The following ACTN4 variants were observed in gnomAD, a reference collection of about 807,000 sequenced individuals.
ACTN4 encodes the protein alpha-actinin-4.
A neutral mutation model predicts 114.2 loss-of-function variants in ACTN4; 18 were observed. That is an observed-to-expected ratio of 0.16 (90% CI 0.11 to 0.23). ACTN4 has a LOEUF of 0.23. Among genes scored for constraint, ACTN4 ranks in the 10% least tolerant of loss-of-function variants. The pLI is 1.00. For missense variants in ACTN4, 722 were observed against 1,262.9 expected (o/e 0.57, Z 6.49); for synonymous variants, 515 against 506.3 (o/e 1.02, Z -0.23).
intron 1 of ACTN4, among the ~76,000 whole-genome samples, chr19:38,655,943 T>A (rs1390656171): frequency 6.6e-6 from 1 of 152,228 alleles, no homozygotes; most frequent in African/African-American, 2.4e-5. Context: ...GACAAAAATA[T>A]GTACATGTTC....
chr19:38,703,104 G>T (rs2145001998), intron 3 of ACTN4, among the ~76,000 whole-genome samples: 2 of 152,300 alleles, frequency 1.3e-5, no homozygotes, highest in Non-Finnish European at 2.9e-5. Flanking sequence ...TGGACTCTGG[G>T]ATGAGGCACT....
intron 1 of ACTN4, among the ~76,000 whole-genome samples, chr19:38,654,561 CAAAAAA>C (rs35967763): frequency 7.3e-5 from 7 of 96,346 alleles, no homozygotes; most frequent in African/African-American, 2.0e-4. Context: ...GGCTCCGTCT[CAAAAAA>C]AAAAAAAAAA....
intron 1 of ACTN4, among the ~76,000 whole-genome samples, chr19:38,660,962 T>C (rs142604289): frequency 6.6e-6 from 1 of 152,244 alleles, no homozygotes; most frequent in Non-Finnish European, 1.5e-5. Flanking sequence ...GCATTTCAGC[T>C]GTTCCTTAAC....
Position 38,730,803 on chromosome 19 carries a change from C to T in ACTN4, c.*1371C>T, listed in dbSNP as rs373304896. The T allele has an allele frequency of 7.1e-6, 11 of 1,549,240 alleles. No individual in the cohort carries two copies. In the African/African-American group the frequency reaches 1.1e-4, roughly 15 times the overall value. ...GCCAGGCAAGGCCTAGGGAGGTGGT[C>T]TTGCTCAGCAACCCTGCCCTGAGCA... On this transcript the variant is annotated 3_prime_UTR_variant, in exon 21 of 21. Transcript: ENST00000252699.
At chr19:38,701,381 C>T (rs538169932) in intron 3 of ACTN4, among the ~76,000 whole-genome samples, 2 of 152,308 alleles carry the variant, frequency 1.3e-5, no homozygotes, top group Admixed American at 6.5e-5. Flanking sequence ...ACGGGGGCGA[C>T]GGCTTCTGCA....
At chr19:38,668,301 C>T (rs1967024938) in intron 1 of ACTN4, among the ~76,000 whole-genome samples, 1 of 152,174 alleles carries the variant, frequency 6.6e-6, no homozygotes. Flanking sequence ...TATTCTTTCT[C>T]TTCAATCCAC....
At chr19:38,670,537 A>G (rs1967095713) in intron 1 of ACTN4, among the ~76,000 whole-genome samples, 1 of 152,104 alleles carries the variant, frequency 6.6e-6, no homozygotes, top group Non-Finnish European at 1.5e-5. Context: ...TGGGGTGGCC[A>G]CTGCAGAGCT....
chr19:38,647,827 A>G lies in ACTN4; in HGVS notation c.82A>G (p.Met28Val), dbSNP rs747188715. 1.0e-5 allele frequency: 16 copies of G among 1,552,578 alleles called. No homozygotes were observed. The African/African-American group carries it at 2.1e-4, about 20-fold the overall frequency. ...AGNGAGGGGS[M>V]GDYMAQEDDW... ...CAATGGCGCTGGCGGCGGGGGCAGC[A>G]TGGGCGACTACATGGCCCAGGAGGA... Residue 28 changes from methionine to valine, a missense_variant, in exon 1 of 21, where the codon ATG (methionine) becomes GTG (valine). Coordinates refer to ENST00000252699, the MANE Select transcript of ACTN4 (RefSeq NM_004924.6).
intron 1 of ACTN4, among the ~76,000 whole-genome samples, chr19:38,679,826 C>T (rs1967499518): frequency 6.6e-6 from 1 of 152,026 alleles, no homozygotes; most frequent in Non-Finnish European, 1.5e-5. Flanking sequence ...TAACCACATA[C>T]TGTTATATTT....
intron 1 of ACTN4, among the ~76,000 whole-genome samples, chr19:38,676,472 C>T (rs976169367): frequency 9.9e-5 from 15 of 152,136 alleles, no homozygotes; most frequent in African/African-American, 3.4e-4. Flanking sequence ...CAGTGTCCTG[C>T]GACTGGGCTG....
In ACTN4 at chr19:38,717,003, C is replaced by G. The variant is rs368471159; in HGVS notation, c.913-83C>G. The stretch of plus-strand genomic sequence containing the variant: ...GGTGGGGCCCTCAAAGATCCAGATC[C>G]CATGTGCCCATAAGCTGGGGGGCAG... On this transcript the variant is annotated intron_variant, in intron 9 of 20. Transcript: ENST00000252699. This position sits in a 1 kb window ranked among gnomAD's most constrained non-coding sequence, Gnocchi z 4.0. The G allele has an allele frequency of 1.4e-6, 2 of 1,429,548 alleles. No individual in the cohort carries two copies. 88.6% of individuals were successfully genotyped at this position (1,429,548 alleles called of 1,614,324 possible).
chr19:38,664,608 G>A (rs985499203), intron 1 of ACTN4, among the ~76,000 whole-genome samples: 11 of 152,200 alleles, frequency 7.2e-5, no homozygotes, highest in African/African-American at 2.7e-4. Flanking sequence ...ATTCAGTGGA[G>A]ATAGCGAGGG....
Position 38,707,581 on chromosome 19 carries a change from G to C in ACTN4, c.573-536G>C, listed in dbSNP as rs139272780. On this transcript the variant is annotated intron_variant, in intron 5 of 20. Transcript: ENST00000252699. ...CCTTGGGGAAGGTCTCTTTCCTCCA[G>C]AGACCAGCATGCCAAGTGAAATCCT... Among the ~76,000 whole-genome samples, 807 of 152,240 alleles carry C rather than the reference G, an allele frequency of 5.3e-3. 8 individuals are homozygous for C. The highest frequency in any genetic ancestry group is 0.016 in the African/African-American group (681 of 41,524).
chr19:38,666,194 C>A (rs1033087009), intron 1 of ACTN4, among the ~76,000 whole-genome samples: 18 of 151,006 alleles, frequency 1.2e-4, no homozygotes, highest in Non-Finnish European at 2.4e-4. Flanking sequence ...GGGGTCACTT[C>A]CTGATGCCAT....
At chr19:38,702,074 G>A (rs1257781740) in intron 3 of ACTN4, among the ~76,000 whole-genome samples, 1 of 152,220 alleles carries the variant, frequency 6.6e-6, no homozygotes, top group Non-Finnish European at 1.5e-5. Flanking sequence ...GTCAGGCCCT[G>A]AGATTTTCTG....
intron 1 of ACTN4, among the ~76,000 whole-genome samples, chr19:38,652,614 CA>C (rs1976598545): frequency 6.6e-6 from 1 of 152,214 alleles, no homozygotes. Flanking sequence ...ACTCACCCTC[CA>C]GTTGGAACTG....
chr19:38,719,734 G>A (rs746839380), intron 11 of ACTN4, among the ~76,000 whole-genome samples: 15 of 152,262 alleles, frequency 9.9e-5, no homozygotes, highest in Admixed American at 3.3e-4. Context: ...CCCTGTGGCT[G>A]AACCTTCTGG....
chr19:38,719,386 C>T (rs1318701443), intron 11 of ACTN4, among the ~76,000 whole-genome samples: 1 of 152,260 alleles, frequency 6.6e-6, no homozygotes, highest in African/African-American at 2.4e-5. Context: ...CAGCTCCACA[C>T]GGCCTGCAGC....
At chr19:38,705,064 G>A (rs777229213) in intron 4 of ACTN4, 44 bp downstream of exon 4, 3 of 1,559,512 alleles carry the variant, frequency 1.9e-6, no homozygotes, top group African/African-American at 2.7e-5. Flanking sequence ...CTGAGTCAGG[G>A]CGGGTTAGAG....
Sources: gnomAD v4.1 joint callset for allele counts (sites outside exome capture counted in the v4.1 genomes callset) on GRCh38, gnomAD v4.1.1 for gene constraint, Gnocchi (gnomAD v3.1) non-coding constraint, MANE v1.5 for transcripts, NCBI Gene and HGNC (gene_info 2026-07-23, HGNC 2026-07-21) for gene names.